ERP27: variants seen among roughly 807,000 people sequenced by gnomAD.
ERP27 encodes endoplasmic reticulum protein 27, also known as endoplasmic reticulum resident protein 27.
A neutral mutation model predicts 27.7 loss-of-function variants in ERP27; 23 were observed. That is an observed-to-expected ratio of 0.83 (90% CI 0.60 to 1.18). The LOEUF is 1.18. ERP27 is among the 50% of genes most tolerant of loss of function. ERP27 has a pLI of 0.00. For missense variants in ERP27, 363 were observed against 327.9 expected (o/e 1.11, Z -0.83); for synonymous variants, 159 against 118.3 (o/e 1.34, Z -2.23).
chr12:14,920,277 G>A (rs1157604235), intron 4 of ERP27, among the ~76,000 whole-genome samples: 2 of 152,226 alleles, frequency 1.3e-5, no homozygotes, highest in African/African-American at 2.4e-5. Context: ...CACACCAGGA[G>A]AGAAGGCTGA....
At chr12:14,920,896 G>A (rs1299381023) in intron 4 of ERP27, 36 bp downstream of exon 4, 2 of 1,533,012 alleles carry the variant, frequency 1.3e-6, no homozygotes, top group Middle Eastern at 3.4e-4. Flanking sequence ...CCCGACTCAG[G>A]GTCTGAAGGG....
At chr12:14,929,103 C>A in intron 3 of ERP27, 1 of 1,509,110 alleles carries the variant, frequency 6.6e-7, no homozygotes, top group Non-Finnish European at 8.8e-7. Flanking sequence ...CTGGTGCCTG[C>A]ACCTCAGCTC....
At position 14,916,971 on chromosome 12, in the gene ERP27, A is replaced by G. The variant is rs185177217; in HGVS notation, c.576+207T>C. On this transcript the variant is annotated intron_variant, in intron 5 of 6. Transcript: ENST00000266397. ...GAAAAAACCCACACTTAATCACTACAGGAAGATATAATTACATATGCCTTT... is the reference window on the plus strand; with the variant it reads ...GAAAAAACCCACACTTAATCACTACGGGAAGATATAATTACATATGCCTTT... Among the ~76,000 whole-genome samples the G allele has an allele frequency of 2.2e-3, 338 of 152,354 alleles. 1 individual carries two copies. The highest frequency in any genetic ancestry group is 3.9e-3 in the Non-Finnish European group (268 of 68,032).
chr12:14,914,736 CAG>C lies in ERP27; in HGVS notation c.819_820del (p.Ter274ThrfsTer27), dbSNP rs748970221. 14 of 1,613,132 alleles carry C rather than the reference CAG, an allele frequency of 8.7e-6. No homozygotes were observed. The highest frequency in any genetic ancestry group is 1.1e-5 in the Non-Finnish European group (13 of 1,179,642). ...GCCATATGTAGTTCCAAGGAGAAGT[CAG>C]AGTTCCACCTTTGGAGTCTTTCCTT... On this transcript the variant is annotated frameshift_variant and stop_lost, in exon 7 of 7. Coordinates refer to ENST00000266397, the MANE Select transcript of ERP27 (RefSeq NM_152321.4). LOFTEE classifies it high-confidence loss of function.
chr12:14,918,768 G>T (rs1369420728), intron 4 of ERP27, among the ~76,000 whole-genome samples: 2 of 152,152 alleles, frequency 1.3e-5, no homozygotes, highest in Admixed American at 6.5e-5. Flanking sequence ...GGCAAGGAGG[G>T]CCCAGTAGGT....
chr12:14,917,466 G>A (rs745345359), intron 4 of ERP27, among the ~76,000 whole-genome samples, 163 bp from the exon 5 acceptor site: 11 of 152,184 alleles, frequency 7.2e-5, no homozygotes, highest in Admixed American at 1.3e-4. Flanking sequence ...TTACCATCTC[G>A]TTTTCATGCA....
At chr12:14,920,159 G>T (rs1014513763) in intron 4 of ERP27, among the ~76,000 whole-genome samples, 4 of 152,242 alleles carry the variant, frequency 2.6e-5, no homozygotes, top group Admixed American at 1.3e-4. Flanking sequence ...AGATAATTCT[G>T]TAGACTGTTA....
At chr12:14,935,945 C>T (rs1042926110) in intron 2 of ERP27, among the ~76,000 whole-genome samples, 3 of 152,120 alleles carry the variant, frequency 2.0e-5, no homozygotes, top group Non-Finnish European at 2.9e-5. Context: ...CAGCCTTGAA[C>T]TCCTGAGCTC....
Position 14,923,562 on chromosome 12 carries a change from C to G in ERP27, c.334-2514G>C, listed in dbSNP as rs576412007. Among the ~76,000 whole-genome samples, 42 of 150,790 alleles carry G rather than the reference C, an allele frequency of 2.8e-4. 1 individual carries two copies. Among genetic ancestry groups the G allele is most frequent in the South Asian group, 1.7e-3 (8 of 4,770 alleles). ...ATATTACCTATCTCCTGTTGGTTCTCTTTTTCTGGTGAACAGAGAAACAGA... is the reference window on the plus strand; with the variant it reads ...ATATTACCTATCTCCTGTTGGTTCTGTTTTTCTGGTGAACAGAGAAACAGA... On this transcript the variant is annotated intron_variant, in intron 3 of 6. Coordinates refer to ENST00000266397, the MANE Select transcript of ERP27 (RefSeq NM_152321.4).
At chr12:14,928,409 C>T (rs542195678) in intron 3 of ERP27, among the ~76,000 whole-genome samples, 5 of 152,206 alleles carry the variant, frequency 3.3e-5, no homozygotes, top group African/African-American at 1.2e-4. Context: ...ATTGGGGTAA[C>T]TAAAAGCAAT....
At chr12:14,916,321 G>A (rs1328012911) in intron 5 of ERP27, among the ~76,000 whole-genome samples, 2 of 152,166 alleles carry the variant, frequency 1.3e-5, no homozygotes, top group Non-Finnish European at 2.9e-5. Flanking sequence ...GGAGCAGAGA[G>A]CACGTTTTAA....
chr12:14,934,811 C>A (rs533021173), intron 3 of ERP27, 45 bp downstream of exon 3: 1 of 1,612,038 alleles, frequency 6.2e-7, no homozygotes, highest in South Asian at 1.1e-5. Context: ...AGTCCACAAC[C>A]CAGTGAAAAT....
At chr12:14,933,491 G>C (rs1053758384) in intron 3 of ERP27, among the ~76,000 whole-genome samples, 1 of 152,058 alleles carries the variant, frequency 6.6e-6, no homozygotes, top group Non-Finnish European at 1.5e-5. Context: ...TGGTGTGATG[G>C]GGGCATAAAC....
chr12:14,938,386 A>G (rs1340648745), intron 1 of ERP27, 29 bp downstream of exon 1: 1 of 1,607,148 alleles, frequency 6.2e-7, no homozygotes, highest in African/African-American at 1.3e-5. Flanking sequence ...CTTTCACACT[A>G]TAGCCACCCA....
At chr12:14,937,853 T>G (rs1006082403) in intron 2 of ERP27, 99 bp downstream of exon 2, 2 of 953,438 alleles carry the variant, frequency 2.1e-6, no homozygotes, top group Non-Finnish European at 3.3e-6. Context: ...TTACCCCCAC[T>G]TCTAATGCAG....
At chr12:14,921,538 G>A (rs1388439754) in intron 3 of ERP27, among the ~76,000 whole-genome samples, 2 of 152,160 alleles carry the variant, frequency 1.3e-5, no homozygotes, top group Non-Finnish European at 2.9e-5. Flanking sequence ...TGAAGCCAAG[G>A]CATGTAGATT....
chr12:14,921,841 T>C (rs981942661), intron 3 of ERP27, among the ~76,000 whole-genome samples: 2 of 152,178 alleles, frequency 1.3e-5, no homozygotes, highest in Admixed American at 6.5e-5. Context: ...TTTTCATCCT[T>C]TCCTTTATAC....
At chr12:14,921,128 A>G (rs1863497453) in intron 3 of ERP27, 80 bp from the exon 4 acceptor site, 3 of 1,157,178 alleles carry the variant, frequency 2.6e-6, no homozygotes, top group Middle Eastern at 2.4e-4. Context: ...CCCCCATGTG[A>G]CAGGCACTGA....
chr12:14,922,043 T>G (rs370936136), intron 3 of ERP27, among the ~76,000 whole-genome samples: 96 of 152,364 alleles, frequency 6.3e-4, no homozygotes, highest in South Asian at 1.0e-3. Flanking sequence ...CACAATTTAT[T>G]TATTCATTTT....
Sources: allele counts gnomAD v4.1 joint callset (sites outside exome capture counted in the v4.1 genomes callset), GRCh38; gene constraint gnomAD v4.1.1; transcripts MANE v1.5; gene names NCBI Gene and HGNC (gene_info 2026-07-23, HGNC 2026-07-21).